DOCK9: variants seen among roughly 807,000 people sequenced by gnomAD.
The protein encoded by DOCK9 is dedicator of cytokinesis protein 9.
A neutral mutation model predicts 263.3 loss-of-function variants in DOCK9; 89 were observed. That is an observed-to-expected ratio of 0.34 (90% CI 0.28 to 0.40). DOCK9 has a LOEUF of 0.40. Ranked by LOEUF, DOCK9 falls within the 10% of genes least tolerant of loss-of-function variation. The pLI, the probability that DOCK9 is intolerant of heterozygous loss-of-function variation, is 1.00. For missense variants in DOCK9, 2,140 were observed against 2,603.4 expected (o/e 0.82, Z 3.87); for synonymous variants, 976 against 973.1 (o/e 1.00, Z -0.06).
chr13:98,889,825 T>C (rs1396110915), intron 15 of DOCK9, among the ~76,000 whole-genome samples: 4 of 152,232 alleles, frequency 2.6e-5, no homozygotes, highest in Non-Finnish European at 4.4e-5. Context: ...TGGAACTGCA[T>C]ACATCTGGCC....
At chr13:98,801,769 C>G (rs2139990166) in intron 49 of DOCK9, among the ~76,000 whole-genome samples, 1 of 152,236 alleles carries the variant, frequency 6.6e-6, no homozygotes, top group South Asian at 2.1e-4. Context: ...GGGAAGAGTT[C>G]AATTGGGAAG....
intron 1 of DOCK9, among the ~76,000 whole-genome samples, chr13:98,959,690 A>G (rs2058427449): frequency 1.3e-5 from 2 of 152,176 alleles, no homozygotes; most frequent in African/African-American, 4.8e-5. Flanking sequence ...GGGAAAAGGG[A>G]GCAGAAGGAG....
intron 1 of DOCK9, among the ~76,000 whole-genome samples, chr13:98,975,076 T>C (rs17784807): frequency 0.29 from 44,335 of 152,116 alleles, 6,528 homozygotes; most frequent in Middle Eastern, 0.43. Flanking sequence ...TGAGATAATA[T>C]GCAGCCATTA....
In DOCK9 at chr13:99,041,707, T is replaced by A. The variant is rs560338341; in HGVS notation, c.129+44516A>T. Among the ~76,000 whole-genome samples, 68 of 152,304 alleles carry A rather than the reference T, an allele frequency of 4.5e-4. No individual in the cohort carries two copies. The South Asian group carries it at 8.5e-3, about 19-fold the overall frequency. ...GAATGTGACTTATTTGAAAAAAGAA[T>A]CTTTGCAGATATAATGAAGGATCTT... On this transcript the variant is annotated intron_variant, in intron 1 of 32. Transcript: ENST00000427887.
intron 32 of DOCK9, among the ~76,000 whole-genome samples, chr13:98,862,108 G>T (rs1406715150): frequency 6.6e-6 from 1 of 152,036 alleles, no homozygotes; most frequent in East Asian, 1.9e-4. Flanking sequence ...ACAAGACATT[G>T]GTTCATCACG....
intron 34 of DOCK9, chr13:98,854,577 G>A (rs2093655980): frequency 6.6e-6 from 1 of 152,132 alleles, no homozygotes; most frequent in African/African-American, 2.4e-5. Flanking sequence ...TTCCGGCAGT[G>A]GGAGGGAAGG....
intron 13 of DOCK9, among the ~76,000 whole-genome samples, chr13:98,900,262 C>A (rs1346132291): frequency 6.6e-6 from 1 of 152,172 alleles, no homozygotes; most frequent in Admixed American, 6.5e-5. Flanking sequence ...GTGATTTTTA[C>A]ACCAATATGA....
At chr13:98,839,131 A>G (rs2141169338) in intron 38 of DOCK9, among the ~76,000 whole-genome samples, 1 of 152,360 alleles carries the variant, frequency 6.6e-6, no homozygotes, top group Non-Finnish European at 1.5e-5. Flanking sequence ...CTTTGCTTTT[A>G]CAAAGGTGGT....
At chr13:98,838,519 A>G (rs1361348086) in intron 38 of DOCK9, among the ~76,000 whole-genome samples, 1 of 152,230 alleles carries the variant, frequency 6.6e-6, no homozygotes, top group Non-Finnish European at 1.5e-5. Context: ...TAGAAAAAGA[A>G]AAGGACTTGA....
At chr13:99,086,314 G>A (rs1389726799) in exon 1 of DOCK9, 4 of 1,481,160 alleles carry the variant, frequency 2.7e-6, no homozygotes, top group South Asian at 1.3e-5. Flanking sequence ...GAACTTCCGA[G>A]TCTCCGCCGA....
At chr13:98,912,672 T>C (rs797000260) in intron 9 of DOCK9, among the ~76,000 whole-genome samples, 25 of 152,216 alleles carry the variant, frequency 1.6e-4, no homozygotes, top group African/African-American at 6.0e-4. Context: ...TACTGAATTA[T>C]ATTGGCTGGG....
chr13:99,055,277 G>T (rs1197322954), intron 1 of DOCK9, among the ~76,000 whole-genome samples: 1 of 152,172 alleles, frequency 6.6e-6, no homozygotes, highest in African/African-American at 2.4e-5. Context: ...GTAGGGTAGG[G>T]TCCCATTGGA....
chr13:98,956,878 T>C (rs1261670786), intron 1 of DOCK9, among the ~76,000 whole-genome samples: 1 of 152,246 alleles, frequency 6.6e-6, no homozygotes, highest in Non-Finnish European at 1.5e-5. Context: ...AATTTTTATA[T>C]AAGAAGTATA....
chr13:99,049,787 G>T (rs141414729), intron 1 of DOCK9, among the ~76,000 whole-genome samples: 1 of 152,234 alleles, frequency 6.6e-6, no homozygotes, highest in African/African-American at 2.4e-5. Flanking sequence ...TAAAGTGTTG[G>T]GATTACAGGA....
rs1046213602 is a variant in DOCK9, at chr13:98,897,696, C to T, written c.1587-86G>A. The T allele has an allele frequency of 1.2e-5, 19 of 1,534,900 alleles. No individual in the cohort carries two copies. The African/African-American group carries it at 2.3e-4, about 19-fold the overall frequency. On this transcript the variant is annotated intron_variant, in intron 14 of 52. Transcript: ENST00000682017. ...TTTAAGTCTAGTTTCTATGAGAAGT[C>T]TAATTATTATTCCATTGGCTATAGC...
At chr13:98,999,312 A>ACTCTCTCT (rs1317087020) in intron 1 of DOCK9, among the ~76,000 whole-genome samples, 42 of 110,234 alleles carry the variant, frequency 3.8e-4, no homozygotes, top group East Asian at 1.1e-3. Context: ...ACACACACAC[A>ACTCTCTCT]CACACTCTCT....
At chr13:98,906,516 A>C (rs1413732613) in intron 9 of DOCK9, among the ~76,000 whole-genome samples, 17 of 152,152 alleles carry the variant, frequency 1.1e-4, no homozygotes. Flanking sequence ...TCCACAGTTA[A>C]GTCTATGGAG....
At chr13:98,827,000 A>C (rs2092569636) in intron 43 of DOCK9, 113 bp from the exon 44 acceptor site, 7 of 689,886 alleles carry the variant, frequency 1.0e-5, no homozygotes, top group Non-Finnish European at 1.6e-5. Context: ...ATCTCAATGC[A>C]CCAGCTAGTA....
At chr13:98,955,255 T>C (rs568145039) in intron 2 of DOCK9, among the ~76,000 whole-genome samples, 180 bp downstream of exon 2, 36 of 152,164 alleles carry the variant, frequency 2.4e-4, no homozygotes, top group African/African-American at 7.9e-4. Flanking sequence ...GAGGCGGAGG[T>C]TGCCGTTGAG....
Sources: allele counts gnomAD v4.1 joint callset (sites outside exome capture counted in the v4.1 genomes callset), GRCh38; gene constraint gnomAD v4.1.1; transcripts MANE v1.5; gene names NCBI Gene and HGNC (gene_info 2026-07-23, HGNC 2026-07-21).